The following CDKL4 variants were observed in gnomAD, a reference collection of about 807,000 sequenced individuals.
The protein encoded by CDKL4 is cyclin dependent kinase like 4.
A neutral mutation model predicts 42.0 loss-of-function variants in CDKL4; 44 were observed. The ratio of observed to expected loss-of-function variants is 1.05; its 90% CI spans 0.82 to 1.35. The LOEUF (loss-of-function observed/expected upper bound fraction) is 1.35. Ranked by LOEUF, CDKL4 falls within the 40% of genes most tolerant of loss-of-function variation. CDKL4 has a pLI of 0.00. For synonymous variants in CDKL4, 120 were observed against 121.6 expected (o/e 0.99, Z 0.09); for missense variants, 393 against 369.9 (o/e 1.06, Z -0.51).
At chr2:39,176,000 T>C in exon 10 of CDKL4, 1 of 470,188 alleles carries the variant, frequency 2.1e-6, no homozygotes, top group South Asian at 1.6e-5. Context: ...TTTTCCTAAA[T>C]GTTTGGAAGG....
chr2:39,190,242 T>C (rs914422908), intron 6 of CDKL4, 63 bp downstream of exon 6: 15 of 1,065,934 alleles, frequency 1.4e-5, no homozygotes, highest in African/African-American at 3.2e-5. Flanking sequence ...TATTTTTTAT[T>C]ATAGTAACAT....
At chr2:39,226,757 A>G (rs1678773220) in intron 2 of CDKL4, among the ~76,000 whole-genome samples, 1 of 151,938 alleles carries the variant, frequency 6.6e-6, no homozygotes, top group African/African-American at 2.4e-5. Context: ...GGGTGACCAC[A>G]TAATTCAGCA....
Position 39,222,126 on chromosome 2 carries a change from C to T in CDKL4, c.290+3713G>A, listed in dbSNP as rs1678409757. ...AGACATGAAGTATGCCCTCAAAAAA[C>T]TTATACTCTAGTGAGAGAGAGTATG... On this transcript the variant is annotated intron_variant, in intron 3 of 9. Coordinates refer to ENST00000451199, the Ensembl canonical transcript of CDKL4. 3.3e-5 allele frequency among the ~76,000 whole-genome samples: 5 copies of T among 152,256 alleles called. No individual in the cohort carries two copies. In the South Asian group the frequency reaches 1.0e-3, roughly 32 times the overall value.
At chr2:39,186,318 C>T in intron 7 of CDKL4, among the ~76,000 whole-genome samples, 1 of 151,986 alleles carries the variant, frequency 6.6e-6, no homozygotes, top group Non-Finnish European at 1.5e-5. Context: ...CCATTTGGAC[C>T]TCAGGTTATT....
chr2:39,175,542 T>G (rs748005901), downstream of CDKL4: 37 of 154,720 alleles, frequency 2.4e-4, no homozygotes, highest in Non-Finnish European at 1.0e-4. Flanking sequence ...CCAGCATTAC[T>G]CAACAGACCT....
chr2:39,179,373 T>C, intron 8 of CDKL4, 52 bp from the exon 9 acceptor site: 1 of 1,413,116 alleles, frequency 7.1e-7, no homozygotes, highest in Non-Finnish European at 9.6e-7. Context: ...GCTCATTTTG[T>C]TACCGTGCCC....
chr2:39,207,553 G>A (rs1677279722), intron 4 of CDKL4, among the ~76,000 whole-genome samples: 1 of 152,110 alleles, frequency 6.6e-6, no homozygotes. Context: ...TCAAGTTCTA[G>A]AATTTCTAGA....
intron 1 of CDKL4, among the ~76,000 whole-genome samples, chr2:39,240,949 C>T (rs1364589314): frequency 6.6e-6 from 1 of 152,116 alleles, no homozygotes; most frequent in Non-Finnish European, 1.5e-5. Flanking sequence ...AGAATGTCAA[C>T]GTCATGAAAG....
At chr2:39,227,135 C>CA (rs966587237) in intron 2 of CDKL4, among the ~76,000 whole-genome samples, 7 of 152,170 alleles carry the variant, frequency 4.6e-5, no homozygotes, top group Non-Finnish European at 1.0e-4. Context: ...GACACTGGGA[C>CA]AAAAACTATA....
At chr2:39,206,761 C>A (rs1322522453) in intron 4 of CDKL4, among the ~76,000 whole-genome samples, 2 of 152,226 alleles carry the variant, frequency 1.3e-5, no homozygotes, top group African/African-American at 4.8e-5. Flanking sequence ...TGGCCACTGA[C>A]AGAATTAACT....
downstream of CDKL4, among the ~76,000 whole-genome samples, chr2:39,171,922 G>C (rs1675010110): frequency 6.6e-6 from 1 of 152,212 alleles, no homozygotes; most frequent in Non-Finnish European, 1.5e-5. Context: ...AGGTGATCCA[G>C]AAACTGCACA....
At chr2:39,205,472 G>T (rs1216306850) in intron 4 of CDKL4, among the ~76,000 whole-genome samples, 2 of 151,810 alleles carry the variant, frequency 1.3e-5, no homozygotes, top group East Asian at 1.9e-4. Flanking sequence ...TGTGAAAGAG[G>T]GGCCTATAGC....
At chr2:39,188,630 TA>T (rs1166785469) in intron 6 of CDKL4, among the ~76,000 whole-genome samples, 1 of 150,290 alleles carries the variant, frequency 6.7e-6, no homozygotes, top group Non-Finnish European at 1.5e-5. Flanking sequence ...TTACACACAT[TA>T]TCTCATTTAA....
intron 8 of CDKL4, among the ~76,000 whole-genome samples, chr2:39,182,987 T>G (rs912309077): frequency 6.6e-6 from 1 of 152,120 alleles, no homozygotes; most frequent in Non-Finnish European, 1.5e-5. Flanking sequence ...TATTTGCCAT[T>G]AAAGATGTCT....
At chr2:39,196,940 A>T (rs915556064) in intron 5 of CDKL4, among the ~76,000 whole-genome samples, 1 of 152,186 alleles carries the variant, frequency 6.6e-6, no homozygotes. Flanking sequence ...CCAAAAGATC[A>T]CACTAACTCA....
upstream of CDKL4, among the ~76,000 whole-genome samples, chr2:39,244,709 G>A (rs1679834391): frequency 6.6e-6 from 1 of 152,256 alleles, no homozygotes. Context: ...CCCCTGTGCG[G>A]GATCCACTTG....
At chr2:39,226,006 A>G in intron 2 of CDKL4, 46 bp from the exon 3 acceptor site, 1 of 1,583,858 alleles carries the variant, frequency 6.3e-7, no homozygotes, top group Non-Finnish European at 8.6e-7. Flanking sequence ...GTTACTAGTA[A>G]AAGCTTCTAC....
intron 5 of CDKL4, among the ~76,000 whole-genome samples, chr2:39,195,038 A>G (rs1676428432): frequency 6.6e-6 from 1 of 152,184 alleles, no homozygotes; most frequent in Non-Finnish European, 1.5e-5. Context: ...TATTCTAGGT[A>G]GAGCACGTAA....
intron 1 of CDKL4, among the ~76,000 whole-genome samples, chr2:39,239,055 C>A (rs1295539914): frequency 1.3e-5 from 2 of 152,138 alleles, no homozygotes; most frequent in African/African-American, 2.4e-5. Flanking sequence ...CCTGGCCCAA[C>A]TGACTTTTGA....
Sources: gnomAD v4.1 joint callset for allele counts (sites outside exome capture counted in the v4.1 genomes callset) on GRCh38, gnomAD v4.1.1 for gene constraint, MANE v1.5 for transcripts, NCBI Gene and HGNC (gene_info 2026-07-23, HGNC 2026-07-21) for gene names.